CDH12: variants seen among roughly 807,000 people sequenced by gnomAD.
CDH12 encodes the protein cadherin 12.
A neutral mutation model predicts 74.1 loss-of-function variants in CDH12; 41 were observed. The observed-to-expected ratio is 0.55, with a 90% CI of 0.43 to 0.72. The LOEUF is 0.72. CDH12 is among the 30% of genes least tolerant of loss of function. The pLI, the probability that CDH12 is intolerant of heterozygous loss-of-function variation, is 0.00. For missense variants in CDH12, 945 were observed against 977.2 expected (o/e 0.97, Z 0.44); for synonymous variants, 399 against 355.0 (o/e 1.12, Z -1.39).
intron 1 of CDH12, among the ~76,000 whole-genome samples, chr5:22,851,070 T>C (rs1737533658): frequency 6.6e-6 from 1 of 152,134 alleles, no homozygotes. Flanking sequence ...CAGAGTTATA[T>C]GAGGTGTAAG....
intron 6 of CDH12, among the ~76,000 whole-genome samples, chr5:21,930,627 A>G (rs1754791903): frequency 6.6e-6 from 1 of 152,156 alleles, no homozygotes; most frequent in Non-Finnish European, 1.5e-5. Flanking sequence ...TTAGAATATT[A>G]ACTCCCATCC....
chr5:22,222,419 A>T (rs563838729), intron 3 of CDH12, among the ~76,000 whole-genome samples: 1 of 152,078 alleles, frequency 6.6e-6, no homozygotes, highest in Admixed American at 6.6e-5. Context: ...AGAAAACACT[A>T]GTCAGTTTGA....
intron 4 of CDH12, among the ~76,000 whole-genome samples, chr5:22,111,413 C>A (rs1744809683): frequency 6.6e-6 from 1 of 152,112 alleles, no homozygotes; most frequent in East Asian, 1.9e-4. Context: ...TGAGACCAAC[C>A]CTTTAGGCTC....
At chr5:21,979,053 T>TA (rs201491772) in intron 5 of CDH12, among the ~76,000 whole-genome samples, 2,469 of 152,100 alleles carry the variant, frequency 0.016, 29 homozygotes, top group Non-Finnish European at 0.024. Context: ...ATGTTCACTG[T>TA]AAAAAAAATC....
In CDH12 at chr5:22,561,791, C is replaced by A. The variant is rs573311515; in HGVS notation, c.-522-56427G>T. Reference sequence around the variant, plus strand: ...TTTCAAGTTAGCAGTCTGTCAAGTACTTCATAAGAATTACTACTGTGTTAG... The same window carrying A: ...TTTCAAGTTAGCAGTCTGTCAAGTAATTCATAAGAATTACTACTGTGTTAG... On this transcript the variant is annotated intron_variant, in intron 1 of 14. Coordinates refer to ENST00000382254, the MANE Select transcript of CDH12 (RefSeq NM_004061.5). Among the ~76,000 whole-genome samples the A allele has an allele frequency of 1.7e-4, 26 of 152,224 alleles. No homozygotes were observed. In the East Asian group the frequency reaches 5.0e-3, roughly 29 times the overall value.
intron 8 of CDH12, among the ~76,000 whole-genome samples, chr5:21,818,273 T>C (rs1748174277): frequency 6.8e-6 from 1 of 147,682 alleles, no homozygotes; most frequent in Non-Finnish European, 1.5e-5. Context: ...AGTTACACAT[T>C]TGTGGAAAAT....
intron 4 of CDH12, among the ~76,000 whole-genome samples, chr5:22,112,359 T>C (rs1172293946): frequency 2.6e-5 from 4 of 152,170 alleles, no homozygotes; most frequent in Non-Finnish European, 5.9e-5. Flanking sequence ...TGCATTCATA[T>C]GTGTATACAT....
In CDH12 at chr5:21,751,664, T is replaced by C. The variant is rs1744073399; in HGVS notation, c.*73A>G. On this transcript the variant is annotated 3_prime_UTR_variant, in exon 15 of 15. Coordinates refer to ENST00000382254, the MANE Select transcript of CDH12 (RefSeq NM_004061.5). ...TGTGTGTGTGTGTGAGAGAGATTTC[T>C]ATTAATATTTGTGTTTCTTTTTCTT... 2.2e-6 allele frequency: 2 copies of C among 910,238 alleles called. No homozygotes were observed. The highest frequency in any genetic ancestry group is 2.5e-5 in the East Asian group (1 of 39,418). 56.4% of individuals were successfully genotyped at this position (910,238 alleles called of 1,614,324 possible). A position where few individuals can be genotyped will look rare whatever the true frequency, so the allele number is the denominator to read the frequency against.
At chr5:22,381,362 A>G (rs922773181) in intron 3 of CDH12, among the ~76,000 whole-genome samples, 1 of 152,102 alleles carries the variant, frequency 6.6e-6, no homozygotes, top group Admixed American at 6.5e-5. Flanking sequence ...AAATATTTTT[A>G]AAATCATGTA....
intron 3 of CDH12, among the ~76,000 whole-genome samples, chr5:22,254,376 T>C (rs1293711951): frequency 2.0e-5 from 3 of 151,918 alleles, no homozygotes; most frequent in Non-Finnish European, 4.4e-5. Context: ...CTAGTAAGCA[T>C]ATTAATGAGT....
chr5:22,380,373 T>A (rs1367514892), intron 3 of CDH12, among the ~76,000 whole-genome samples: 1 of 152,206 alleles, frequency 6.6e-6, no homozygotes, highest in Non-Finnish European at 1.5e-5. Flanking sequence ...GTTCTTTTGT[T>A]ATAACTCTCT....
intron 3 of CDH12, among the ~76,000 whole-genome samples, chr5:22,365,813 C>CA (rs1176324280): frequency 6.6e-6 from 1 of 151,864 alleles, no homozygotes; most frequent in Non-Finnish European, 1.5e-5. Context: ...GAAAAACAAA[C>CA]AAAAAATATT....
At chr5:22,822,037 T>A (rs1373424629) in intron 1 of CDH12, among the ~76,000 whole-genome samples, 1 of 152,094 alleles carries the variant, frequency 6.6e-6, no homozygotes, top group East Asian at 1.9e-4. Context: ...AACAGAGATA[T>A]AGATCAATGG....
At chr5:22,432,925 G>C (rs1744233400) in intron 2 of CDH12, among the ~76,000 whole-genome samples, 1 of 152,054 alleles carries the variant, frequency 6.6e-6, no homozygotes, top group South Asian at 2.1e-4. Context: ...AGTTGATTGA[G>C]CATTAGAATT....
chr5:22,450,339 C>T (rs1392811334), intron 2 of CDH12, among the ~76,000 whole-genome samples: 11 of 151,802 alleles, frequency 7.2e-5, no homozygotes, highest in Non-Finnish European at 7.4e-5. Flanking sequence ...AAAAAAATTG[C>T]CATGATCAAA....
chr5:22,611,843 G>A (rs1231708437), intron 1 of CDH12, among the ~76,000 whole-genome samples: 1 of 152,082 alleles, frequency 6.6e-6, no homozygotes, highest in East Asian at 1.9e-4. Flanking sequence ...GAAGAGTGCA[G>A]AGTGGATCTG....
chr5:21,939,008 A>C, intron 6 of CDH12, among the ~76,000 whole-genome samples: 1 of 151,080 alleles, frequency 6.6e-6, no homozygotes, highest in East Asian at 1.9e-4. Context: ...AACAGTATTT[A>C]TAATAATGAA....
intron 3 of CDH12, among the ~76,000 whole-genome samples, chr5:22,296,749 C>T (rs1053471909): frequency 6.6e-6 from 1 of 152,152 alleles, no homozygotes; most frequent in Non-Finnish European, 1.5e-5. Context: ...GAAGCTGGCT[C>T]TGGTTTCAGA....
At chr5:22,195,365 C>CT (rs1750561526) in intron 4 of CDH12, among the ~76,000 whole-genome samples, 2 of 152,008 alleles carry the variant, frequency 1.3e-5, no homozygotes, top group East Asian at 3.9e-4. Context: ...GAAATCAGAG[C>CT]ATTAAAGAGT....
Sources: allele counts gnomAD v4.1 joint callset (sites outside exome capture counted in the v4.1 genomes callset), GRCh38; gene constraint gnomAD v4.1.1; transcripts MANE v1.5; gene names NCBI Gene and HGNC (gene_info 2026-07-23, HGNC 2026-07-21).